SOD2: variants seen among roughly 807,000 people sequenced by gnomAD.
SOD2 encodes the protein superoxide dismutase 2, also known as superoxide dismutase [Mn], mitochondrial.
Under a neutral mutation model 27.0 loss-of-function variants are expected in SOD2, and 11 were observed. That is an observed-to-expected ratio of 0.41 (90% CI 0.26 to 0.67). The LOEUF (loss-of-function observed/expected upper bound fraction) is 0.67, where lower values mean the gene tolerates loss of function less well. Among genes scored for constraint, SOD2 ranks in the 30% least tolerant of loss-of-function variants. The pLI is 0.34. For synonymous variants in SOD2, 105 were observed against 103.0 expected, an observed-to-expected ratio of 1.02 and a Z score of -0.12; for missense variants, 250 against 274.5, an observed-to-expected ratio of 0.91 and a Z score of 0.63.
chr6:159,713,873 G>A (rs1286480938), intron 1 of SOD2: 4 of 1,025,636 alleles, frequency 3.9e-6, no homozygotes, highest in Non-Finnish European at 6.0e-6. Context: ...AATACCTGAT[G>A]TGCCATTTTG....
upstream of SOD2, chr6:159,730,914 A>G (rs1562450539): frequency 3.9e-5 from 6 of 152,126 alleles, 1 homozygote; most frequent in African/African-American, 1.4e-4. Context: ...AACATAAGCC[A>G]ATGTCAGGAG....
At chr6:159,729,143 G>A (rs970887444), upstream of SOD2, among the ~76,000 whole-genome samples, 34 of 152,310 alleles carry the variant, frequency 2.2e-4, no homozygotes, top group African/African-American at 8.2e-4. Context: ...ACATTAAAGC[G>A]TTCAAGGTCT....
At chr6:159,713,164 A>G (rs1777861870) in intron 1 of SOD2, 2 of 1,259,022 alleles carry the variant, frequency 1.6e-6, no homozygotes, top group Admixed American at 4.8e-5. Context: ...TGGACCCACT[A>G]TCTCCGTATC....
At chr6:159,688,996 C>T (rs12197581) in intron 2 of SOD2, among the ~76,000 whole-genome samples, 2 of 152,230 alleles carry the variant, frequency 1.3e-5, no homozygotes, top group Non-Finnish European at 2.9e-5. Context: ...ACTGGTGCCA[C>T]TATCCCCTCA....
intron 1 of SOD2, among the ~76,000 whole-genome samples, chr6:159,735,355 T>G (rs1562454370): frequency 6.6e-6 from 1 of 152,168 alleles, no homozygotes; most frequent in Non-Finnish European, 1.5e-5. Flanking sequence ...TGGCCAGACT[T>G]GTCTTGAACT....
At position 159,712,229 on chromosome 6, in the gene SOD2, ACTCACATTGCTCTGATCACCC is replaced by A. The variant is rs1777810888; in HGVS notation, c.-116+14879_-116+14899del. 1.7e-5 allele frequency among the ~76,000 whole-genome samples: 2 copies of A among 120,226 alleles called. 1 individual carries two copies. Among genetic ancestry groups the A allele is most frequent in the Non-Finnish European group, 3.6e-5 (2 of 55,904 alleles). The allele number at this position is 120,226 out of a possible 152,430, so 78.9% of individuals were successfully genotyped here. On this transcript the variant is annotated intron_variant, in intron 1 of 2. Transcript: ENST00000401980. ...CACCATAACCACCTCCATAACCACCACTCACATTGCTCTGATCACCCTAACCACCTCCATAACCACCACTCA... is the reference window on the plus strand; with the variant it reads ...CACCATAACCACCTCCATAACCACCATAACCACCTCCATAACCACCACTCA...
rs539852371 is a variant in SOD2, at chr6:159,712,179, C to T, written c.-116+14950G>A. 2.3e-3 allele frequency among the ~76,000 whole-genome samples: 185 copies of T among 80,680 alleles called. 4 individuals are homozygous for T. The highest frequency in any genetic ancestry group is 6.4e-3 in the East Asian group (13 of 2,016). The allele number at this position is 80,680 out of a possible 152,430, so 52.9% of individuals were successfully genotyped here. On this transcript the variant is annotated intron_variant, in intron 1 of 2. Transcript: ENST00000401980. ...GCTCTGACCACCATAACCACCTCCA[C>T]AACCACCACCCACATTGCTCTGATC... is the stretch of plus-strand genomic sequence containing the variant.
intron 1 of SOD2, chr6:159,739,123 G>T: frequency 4.2e-6 from 5 of 1,183,884 alleles, no homozygotes; most frequent in Admixed American, 2.2e-5. Flanking sequence ...TTGTCTTTGT[G>T]CCAGATATTG....
At chr6:159,696,317 C>T (rs1467188866), upstream of SOD2, among the ~76,000 whole-genome samples, 1 of 152,088 alleles carries the variant, frequency 6.6e-6, no homozygotes, top group East Asian at 1.9e-4. Flanking sequence ...CTCCCCCAAC[C>T]TTTTTTTATT....
intron 4 of SOD2, among the ~76,000 whole-genome samples, chr6:159,684,336 G>T (rs1383065353): frequency 6.6e-6 from 1 of 151,850 alleles, no homozygotes; most frequent in Non-Finnish European, 1.5e-5. Context: ...TAAAACATTT[G>T]GCTGGGCATG....
At chr6:159,712,026 A>G (rs1583038851) in intron 1 of SOD2, among the ~76,000 whole-genome samples, 1 of 40,286 alleles carries the variant, frequency 2.5e-5, no homozygotes, top group Admixed American at 2.6e-4. Context: ...ACCACCACTC[A>G]CACTGCTCAG....
At chr6:159,693,826 GC>G (rs1377067291), upstream of SOD2, among the ~76,000 whole-genome samples, 1 of 152,210 alleles carries the variant, frequency 6.6e-6, no homozygotes, top group Admixed American at 6.5e-5. Context: ...CAGTACTCTT[GC>G]GCCGTACCCT....
chr6:159,683,158 G>T (rs532859016), intron 4 of SOD2, among the ~76,000 whole-genome samples: 48 of 152,272 alleles, frequency 3.2e-4, no homozygotes, highest in African/African-American at 1.0e-3. Context: ...GGTAAATGAA[G>T]AATTTAGTTC....
chr6:159,731,580 GATT>G (rs1778572647), upstream of SOD2, among the ~76,000 whole-genome samples: 2 of 152,228 alleles, frequency 1.3e-5, no homozygotes, highest in Non-Finnish European at 2.9e-5. Context: ...AGGACAGTAT[GATT>G]ATTATCCTCA....
rs767115411 is a variant in SOD2 at position 159,742,037 on chromosome 6, T to A, written c.-116+3093A>T. On this transcript the variant is annotated intron_variant, in intron 1 of 3. Coordinates refer to the SOD2 transcript ENST00000537657. Reference sequence around the variant, plus strand: ...AGTTTATAGATATCTTCTAGTTTATTTAATAAACTATTTTATCGTAACAAC... The same window carrying A: ...AGTTTATAGATATCTTCTAGTTTATATAATAAACTATTTTATCGTAACAAC... The A allele has an allele frequency of 2.3e-6, 3 of 1,306,438 alleles. No individual in the cohort carries two copies. The South Asian group carries it at 3.8e-5, about 17-fold the overall frequency. 80.9% of individuals were successfully genotyped at this position (1,306,438 alleles called of 1,614,324 possible).
rs1028446653 is a variant in SOD2 at position 159,675,405 on chromosome 6, G to A, written c.*7088C>T. 2.0e-5 allele frequency: 3 copies of A among 152,144 alleles called. No individual in the cohort carries two copies. Among genetic ancestry groups the A allele is most frequent in the African/African-American group, 7.2e-5 (3 of 41,428 alleles). The allele number at this position is 152,144 out of a possible 1,614,324, so 9.4% of individuals were successfully genotyped here. On this transcript the variant is annotated 3_prime_UTR_variant, in exon 5 of 5. Coordinates refer to ENST00000538183, the MANE Select transcript of SOD2 (RefSeq NM_000636.4). ...GTACTAGTACCAAAACAGAGATATA[G>A]ACCAATGGAACAGAACAGAGCCCTC...
At chr6:159,762,198 G>A (rs1410924077) in exon 1 of SOD2, 1 of 1,568,294 alleles carries the variant, frequency 6.4e-7, no homozygotes, top group Non-Finnish European at 8.7e-7. Context: ...TTCGGCAGGA[G>A]CGCCGAGGGC....
intron 1 of SOD2, among the ~76,000 whole-genome samples, chr6:159,711,679 T>A (rs1644065448): frequency 1.0e-5 from 1 of 100,458 alleles, no homozygotes; most frequent in African/African-American, 3.5e-5. Context: ...CTGATCACCA[T>A]AACCACCTCC....
In SOD2 at chr6:159,674,870, CCTT is replaced by C. The variant is rs1346626337; in HGVS notation, c.*7620_*7622del. ...ACCCCATCATCTCAGCCCAAAATCT[CCTT>C]AATTTGATAAGCAACTTCAGCAAAA... On this transcript the variant is annotated 3_prime_UTR_variant, in exon 5 of 5. Transcript: ENST00000538183. 2 of 152,206 alleles carry C rather than the reference CCTT, an allele frequency of 1.3e-5. No homozygotes were observed. Among genetic ancestry groups the C allele is most frequent in the Non-Finnish European group, 2.9e-5 (2 of 68,046 alleles). The allele number at this position is 152,206 out of a possible 1,614,324, so 9.4% of individuals were successfully genotyped here. A position where few individuals can be genotyped will look rare whatever the true frequency, so the allele number is the denominator to read the frequency against.
Sources: gnomAD v4.1 joint callset for allele counts (sites outside exome capture counted in the v4.1 genomes callset) on GRCh38, gnomAD v4.1.1 for gene constraint, MANE v1.5 for transcripts, NCBI Gene and HGNC (gene_info 2026-07-23, HGNC 2026-07-21) for gene names.